BBS4: variants seen among roughly 807,000 people sequenced by gnomAD.
BBS4 encodes Bardet-Biedl syndrome 4.
A neutral mutation model predicts 71.4 loss-of-function variants in BBS4; 58 were observed. That is an observed-to-expected ratio of 0.81 (90% CI 0.66 to 1.01). The LOEUF (loss-of-function observed/expected upper bound fraction) is 1.01, where lower values mean the gene tolerates loss of function less well. Among genes scored for constraint, BBS4 ranks in the 50% least tolerant of loss-of-function variants. The pLI is 0.00. For synonymous variants in BBS4, 228 were observed against 216.8 expected, an observed-to-expected ratio of 1.05 and a Z score of -0.46; for missense variants, 660 against 607.9, an observed-to-expected ratio of 1.09 and a Z score of -0.90.
At chr15:72,737,001 A>C in intron 15 of BBS4, 38 bp downstream of exon 15, 1 of 1,600,546 alleles carries the variant, frequency 6.2e-7, no homozygotes, top group Non-Finnish European at 8.6e-7. Context: ...CCTGGCAGGT[A>C]CAAGCCACAT....
chr15:72,728,939 C>T (rs1410803601), intron 9 of BBS4, among the ~76,000 whole-genome samples: 4 of 152,144 alleles, frequency 2.6e-5, no homozygotes, highest in Non-Finnish European at 1.5e-5. Flanking sequence ...AACCCTGGGT[C>T]TTCCTGGGCT....
intron 8 of BBS4, 36 bp from the exon 9 acceptor site, chr15:72,727,904 A>G: frequency 2.6e-6 from 4 of 1,533,386 alleles, no homozygotes; most frequent in Non-Finnish European, 2.7e-6. Context: ...TTTCTCATCT[A>G]CATCTTGTTT....
At chr15:72,713,919 G>C (rs897915072) in intron 4 of BBS4, among the ~76,000 whole-genome samples, 5 of 152,176 alleles carry the variant, frequency 3.3e-5, no homozygotes, top group African/African-American at 1.2e-4. Context: ...TATAATTACT[G>C]TGTTGGATTT....
chr15:72,686,449 G>C, intron 1 of BBS4, 198 bp downstream of exon 1: 1 of 1,532,780 alleles, frequency 6.5e-7, no homozygotes. Flanking sequence ...TAGCAGCACA[G>C]GTCCTGTTCT....
intron 4 of BBS4, among the ~76,000 whole-genome samples, chr15:72,714,526 C>A (rs2065434956): frequency 6.6e-6 from 1 of 152,118 alleles, no homozygotes; most frequent in African/African-American, 2.4e-5. Flanking sequence ...GCACCTGGCC[C>A]ACTGACTTAA....
chr15:72,711,731 C>G (rs2065375634), intron 3 of BBS4, among the ~76,000 whole-genome samples: 1 of 152,158 alleles, frequency 6.6e-6, no homozygotes, highest in East Asian at 1.9e-4. Context: ...TTGCAAATCC[C>G]TGTTCTAGAA....
intron 7 of BBS4, among the ~76,000 whole-genome samples, chr15:72,723,364 C>G (rs1052566000): frequency 2.6e-5 from 4 of 152,096 alleles, no homozygotes; most frequent in African/African-American, 9.7e-5. Context: ...ACTCCTATAT[C>G]AGAGAAGACA....
chr15:72,728,599 C>A (rs1208794715), intron 9 of BBS4, among the ~76,000 whole-genome samples: 1 of 152,158 alleles, frequency 6.6e-6, no homozygotes, highest in Non-Finnish European at 1.5e-5. Flanking sequence ...GAAACAGATA[C>A]AAGTGAGCAC....
chr15:72,719,684 C>T (rs2065531022), intron 6 of BBS4, among the ~76,000 whole-genome samples: 1 of 151,866 alleles, frequency 6.6e-6, no homozygotes, highest in Non-Finnish European at 1.5e-5. Flanking sequence ...TTTGGTATTA[C>T]TGACTCACTT....
intron 14 of BBS4, among the ~76,000 whole-genome samples, chr15:72,736,238 CTT>C (rs35502034): frequency 0.023 from 2,564 of 113,402 alleles, 30 homozygotes; most frequent in African/African-American, 0.084. Context: ...TTCTATTTCA[CTT>C]TTTTTTTTTT....
chr15:72,730,285 A>G (rs58600393), intron 10 of BBS4, among the ~76,000 whole-genome samples: 1 of 147,748 alleles, frequency 6.8e-6, no homozygotes, highest in East Asian at 2.0e-4. Flanking sequence ...TCTCAAAAAA[A>G]AAAAAAATAA....
chr15:72,713,150 T>A, intron 4 of BBS4, among the ~76,000 whole-genome samples: 1 of 152,162 alleles, frequency 6.6e-6, no homozygotes, highest in South Asian at 2.1e-4. Context: ...CTACGACACC[T>A]GGCCCTTTAT....
Position 72,723,881 on chromosome 15 carries a change from C to A in BBS4, c.460-647C>A, listed in dbSNP as rs115607237. On this transcript the variant is annotated intron_variant, in intron 7 of 15. Transcript: ENST00000268057. ...GGATTTGTCTTTGGTTGGATCTGTG[C>A]TGAGAAGAAATATATTTAGATTTTA... is the stretch of plus-strand genomic sequence containing the variant. 9.9e-3 allele frequency among the ~76,000 whole-genome samples: 1,512 copies of A among 152,232 alleles called. 30 individuals are homozygous for A. The highest frequency in any genetic ancestry group is 0.035 in the African/African-American group (1,450 of 41,540).
intron 10 of BBS4, among the ~76,000 whole-genome samples, chr15:72,731,065 C>CTTTTTTTTTTT (rs35004414): frequency 2.1e-4 from 16 of 77,636 alleles, no homozygotes; most frequent in Admixed American, 2.9e-4. Flanking sequence ...AACATTTTAT[C>CTTTTTTTTTTT]TTTTTTTTTT....
intron 1 of BBS4, chr15:72,686,498 G>C: frequency 2.6e-6 from 4 of 1,521,972 alleles, no homozygotes; most frequent in Non-Finnish European, 3.5e-6. Flanking sequence ...GGACGGAGAA[G>C]GGAGACTTTT....
rs2065949552 is a variant in BBS4, at chr15:72,737,524, G to GGAGCCA, written c.1503_1508dup (p.Glu502_Pro503dup). The GGAGCCA allele has an allele frequency of 6.2e-7, 1 of 1,613,070 alleles. No individual in the cohort carries two copies. Among genetic ancestry groups the GGAGCCA allele is most frequent in the Admixed American group, 1.7e-5 (1 of 59,874 alleles). On this transcript the variant is annotated inframe_insertion, in exon 16 of 16. Coordinates refer to ENST00000268057, the MANE Select transcript of BBS4 (RefSeq NM_033028.5). ...TCACAAAGCCCCCATCTCTTCCTCT[G>GGAGCCA]GAGCCAGAGCCTGCGGTGGAATCAA...
intron 5 of BBS4, 49 bp downstream of exon 5, chr15:72,715,451 T>C: frequency 7.7e-7 from 1 of 1,294,320 alleles, no homozygotes; most frequent in Admixed American, 1.7e-5. Context: ...GAGAACAGTG[T>C]AAAATGCATT....
At chr15:72,706,803 T>C (rs2065271458) in intron 2 of BBS4, among the ~76,000 whole-genome samples, 1 of 152,224 alleles carries the variant, frequency 6.6e-6, no homozygotes, top group Non-Finnish European at 1.5e-5. Flanking sequence ...TCCCTATTCT[T>C]GGATAGCAAT....
chr15:72,709,975 CAACA>C (rs2151016525), intron 3 of BBS4, among the ~76,000 whole-genome samples, 196 bp downstream of exon 3: 1 of 152,156 alleles, frequency 6.6e-6, no homozygotes, highest in East Asian at 1.9e-4. Context: ...CAGTGGCCCC[CAACA>C]AACAAATATT....
Sources: gnomAD v4.1 joint callset for allele counts (sites outside exome capture counted in the v4.1 genomes callset) on GRCh38, gnomAD v4.1.1 for gene constraint, MANE v1.5 for transcripts, NCBI Gene and HGNC (gene_info 2026-07-23, HGNC 2026-07-21) for gene names.